Variants in GGACT observed in about 807,000 individuals in gnomAD.
The protein encoded by GGACT is gamma-glutamylaminecyclotransferase.
For missense variants in GGACT, 241 were observed against 233.2 expected, an observed-to-expected ratio of 1.03 and a Z score of -0.22; for synonymous variants, 118 against 115.3, an observed-to-expected ratio of 1.02 and a Z score of -0.15.
intron 1 of GGACT, among the ~76,000 whole-genome samples, chr13:100,588,218 A>C (rs183282782): frequency 4.7e-4 from 72 of 152,340 alleles, no homozygotes; most frequent in Middle Eastern, 3.4e-3. Flanking sequence ...AATTTCTTCA[A>C]AATTTCAGAA....
intron 1 of GGACT, 94 bp downstream of exon 1, chr13:100,588,647 G>C (rs1395416141): frequency 2.0e-5 from 3 of 151,676 alleles, no homozygotes; most frequent in Admixed American, 6.6e-5. Context: ...GCCGCGCAGG[G>C]AGCGACGCCC....
chr13:100,568,591 T>G (rs1874983521), intron 2 of GGACT, among the ~76,000 whole-genome samples: 1 of 152,222 alleles, frequency 6.6e-6, no homozygotes, highest in Non-Finnish European at 1.5e-5. Context: ...AAGATGAGAT[T>G]TGGAACTACA....
At position 100,588,752 on chromosome 13, in the gene GGACT, C is replaced by G. The variant is rs1010914791; in HGVS notation, c.-195G>C. On this transcript the variant is annotated 5_prime_UTR_variant, in exon 1 of 3. Transcript: ENST00000683975. ...GCTCAGCGCCTCACCTGCCGGCAGCCGGGGCTGTCGGGGAGGGCAGGGCCA... is the reference window on the plus strand; with the variant it reads ...GCTCAGCGCCTCACCTGCCGGCAGCGGGGGCTGTCGGGGAGGGCAGGGCCA... 1 of 151,734 alleles carries G rather than the reference C, an allele frequency of 6.6e-6. No homozygotes were observed. Among genetic ancestry groups the G allele is most frequent in the African/African-American group, 2.4e-5 (1 of 41,378 alleles). The allele number at this position is 151,734 out of a possible 1,614,324, so 9.4% of individuals were successfully genotyped here. A position where few individuals can be genotyped will look rare whatever the true frequency, so the allele number is the denominator to read the frequency against.
chr13:100,564,484 G>T (rs531032983), intron 2 of GGACT, among the ~76,000 whole-genome samples: 1 of 152,216 alleles, frequency 6.6e-6, no homozygotes, highest in East Asian at 1.9e-4. Flanking sequence ...AATTATCCAA[G>T]TTATACAAAA....
intron 2 of GGACT, among the ~76,000 whole-genome samples, chr13:100,570,731 A>C (rs1200659983): frequency 6.6e-6 from 1 of 152,150 alleles, no homozygotes; most frequent in East Asian, 1.9e-4. Flanking sequence ...TGAGTCAATT[A>C]AACCTCTTTC....
chr13:100,544,039 G>A (rs837307), intron 2 of GGACT, among the ~76,000 whole-genome samples: 1,769 of 152,290 alleles, frequency 0.012, 32 homozygotes, highest in African/African-American at 0.041. Flanking sequence ...CTGAGCAAAC[G>A]CAGCCATTCT....
At chr13:100,546,533 G>C (rs991373275) in intron 2 of GGACT, among the ~76,000 whole-genome samples, 5 of 152,046 alleles carry the variant, frequency 3.3e-5, no homozygotes, top group African/African-American at 1.2e-4. Flanking sequence ...GAAATAGACT[G>C]GGTGCGGTGG....
chr13:100,537,614 G>A (rs1321082874), intron 2 of GGACT: 1 of 152,298 alleles, frequency 6.6e-6, no homozygotes, highest in Non-Finnish European at 1.5e-5. Context: ...GTCATTGAGG[G>A]GAGACAGAAG....
intron 2 of GGACT, among the ~76,000 whole-genome samples, chr13:100,556,754 G>A (rs1254405116): frequency 6.6e-6 from 1 of 152,008 alleles, no homozygotes; most frequent in East Asian, 1.9e-4. Context: ...TTGTATCAAA[G>A]CATCTCATGT....
intron 2 of GGACT, among the ~76,000 whole-genome samples, chr13:100,576,363 A>G (rs1189541418): frequency 6.6e-6 from 1 of 152,242 alleles, no homozygotes; most frequent in Non-Finnish European, 1.5e-5. Context: ...AAAGCAGTAC[A>G]GGCATGGTGG....
intron 2 of GGACT, among the ~76,000 whole-genome samples, chr13:100,563,716 GT>G (rs2088785570): frequency 6.6e-6 from 1 of 152,218 alleles, no homozygotes; most frequent in South Asian, 2.1e-4. Flanking sequence ...AGAATATGAT[GT>G]GTGGAATGCC....
chr13:100,576,359 G>A (rs1385677880), intron 2 of GGACT, among the ~76,000 whole-genome samples: 1 of 152,222 alleles, frequency 6.6e-6, no homozygotes, highest in Non-Finnish European at 1.5e-5. Flanking sequence ...ATGCAAAGCA[G>A]TACAGGCATG....
rs1566526303 is a variant in GGACT, at chr13:100,532,189, C to T, written c.403G>A (p.Asp135Asn). The change falls in exon 3 of 3, where the codon GAC becomes AAC. Residue 135 changes from aspartate to asparagine, a missense_variant. Asp to Asn is a conservative substitution (Grantham distance 23, BLOSUM62 1). Transcript: ENST00000683975. Reference protein sequence around the residue: ...PPEWAQLPHHDSYDSEGPHGL... With the variant: ...PPEWAQLPHHNSYDSEGPHGL... ...TGCGGCCCCTCGGAGTCGTAGCTGT[C>T]ATGGTGCGGGAGCTGGGCCCACTCC... 4.8e-6 allele frequency: 7 copies of T among 1,470,824 alleles called. No individual in the cohort carries two copies. Among genetic ancestry groups the T allele is most frequent in the Non-Finnish European group, 6.3e-6 (7 of 1,104,402 alleles). 91.1% of individuals were successfully genotyped at this position (1,470,824 alleles called of 1,614,324 possible).
chr13:100,564,834 G>A (rs554922579), intron 2 of GGACT, among the ~76,000 whole-genome samples: 6 of 152,162 alleles, frequency 3.9e-5, no homozygotes, highest in Admixed American at 2.6e-4. Flanking sequence ...GGGGCGGGGG[G>A]GCTGGGCCTG....
At chr13:100,552,398 C>G (rs1399598228) in intron 2 of GGACT, among the ~76,000 whole-genome samples, 7 of 152,156 alleles carry the variant, frequency 4.6e-5, no homozygotes, top group Non-Finnish European at 1.0e-4. Context: ...CACGCCACCC[C>G]CCAACATACT....
intron 2 of GGACT, among the ~76,000 whole-genome samples, chr13:100,572,871 T>C (rs1415321283): frequency 6.6e-6 from 1 of 152,252 alleles, no homozygotes; most frequent in African/African-American, 2.4e-5. Flanking sequence ...GGGTGTACTC[T>C]AGAACTTGCT....
chr13:100,559,719 T>C (rs2088742442), intron 2 of GGACT, among the ~76,000 whole-genome samples: 1 of 152,158 alleles, frequency 6.6e-6, no homozygotes, highest in African/African-American at 2.4e-5. Context: ...GGTCTCCAAC[T>C]CCTGACCTCA....
rs2088463888 is a variant in GGACT at position 100,534,593 on chromosome 13, A to C, written c.-10-1992T>G. Among the ~76,000 whole-genome samples, 1 of 152,058 alleles carries C rather than the reference A, an allele frequency of 6.6e-6. No individual in the cohort carries two copies. Among genetic ancestry groups the C allele is most frequent in the African/African-American group, 2.4e-5 (1 of 41,406 alleles). ...CAAGGAGCTATCCCAAAAGACGAGC[A>C]CCTGGGGGGCGATGATGGTTTGGAT... On this transcript the variant is annotated intron_variant, in intron 2 of 2. Transcript: ENST00000683975. This position sits in a 1 kb window ranked among gnomAD's most constrained non-coding sequence, Gnocchi z 4.9.
chr13:100,564,158 C>A (rs976082060), intron 2 of GGACT, among the ~76,000 whole-genome samples: 12 of 152,224 alleles, frequency 7.9e-5, no homozygotes, highest in African/African-American at 2.7e-4. Flanking sequence ...CAGGAATCTA[C>A]ATTTCAAATA....
Sources: allele counts gnomAD v4.1 joint callset (sites outside exome capture counted in the v4.1 genomes callset), GRCh38; gene constraint gnomAD v4.1.1; non-coding constraint Gnocchi (gnomAD v3.1); transcripts MANE v1.5; gene names NCBI Gene and HGNC (gene_info 2026-07-23, HGNC 2026-07-21).